The following DNAH6 variants were observed in gnomAD, a reference collection of about 807,000 sequenced individuals.
DNAH6 encodes the protein axonemal beta dynein heavy chain 6.
A neutral mutation model predicts 491.4 loss-of-function variants in DNAH6; 340 were observed. The observed-to-expected ratio is 0.69, with a 90% CI of 0.63 to 0.76. The LOEUF is 0.76. Ranked by LOEUF, DNAH6 falls within the 30% of genes least tolerant of loss-of-function variation. DNAH6 has a pLI of 0.00. For synonymous variants in DNAH6, 1,603 were observed against 1,686.1 expected (o/e 0.95, Z 1.21); for missense variants, 4,443 against 4,972.2 (o/e 0.89, Z 3.20).
intron 70 of DNAH6, among the ~76,000 whole-genome samples, chr2:84,803,937 T>A (rs1049471772): frequency 2.4e-4 from 36 of 152,236 alleles, no homozygotes; most frequent in African/African-American, 8.4e-4. Flanking sequence ...CTGGGCACAG[T>A]GGTTCACGCT....
At chr2:84,605,170 A>G (rs889872748) in intron 19 of DNAH6, among the ~76,000 whole-genome samples, 6 of 149,634 alleles carry the variant, frequency 4.0e-5, no homozygotes, top group Non-Finnish European at 8.9e-5. Context: ...GCATGGTGAA[A>G]CCCTATCTCT....
At chr2:84,604,281 T>G in intron 18 of DNAH6, 58 bp from the exon 19 acceptor site, 1 of 1,359,212 alleles carries the variant, frequency 7.4e-7, no homozygotes, top group Non-Finnish European at 1.0e-6. Flanking sequence ...AACCAGAACC[T>G]GTGGGTTATA....
intron 61 of DNAH6, among the ~76,000 whole-genome samples, chr2:84,729,118 CAT>C (rs1465312735): frequency 5.4e-4 from 83 of 152,308 alleles, no homozygotes; most frequent in Non-Finnish European, 1.0e-4. Flanking sequence ...TGCATACACA[CAT>C]ATTCTGTGAC....
chr2:84,584,101 A>C lies in DNAH6; in HGVS notation c.2332A>C (p.Thr778Pro). Residue 778 changes from threonine to proline, a missense_variant, in exon 15 of 77, where the codon ACT becomes CCT. Thr to Pro is a conservative substitution (Grantham distance 38, BLOSUM62 -1). Around this residue, in one of 3 missense-constraint regions of DNAH6, gnomAD observed 2,977 missense variants for 3,296.6 expected, o/e 0.90. Coordinates refer to ENST00000389394, the MANE Select transcript of DNAH6 (RefSeq NM_001370.2). The stretch of plus-strand genomic sequence containing the variant: ...TCCTGAAGACTTTGCTGTTTTTGCA[A>C]CTATGAAGCCATCCATTGTTGCTGT... ...TPPEDFAVFA[T>P]MKPSIVAVRN... 1 of 1,614,196 alleles carries C rather than the reference A, an allele frequency of 6.2e-7. No homozygotes were observed. The highest frequency in any genetic ancestry group is 1.6e-4 in the Middle Eastern group (1 of 6,062).
intron 71 of DNAH6, among the ~76,000 whole-genome samples, chr2:84,806,394 C>T (rs1238155092): frequency 6.6e-6 from 1 of 152,022 alleles, no homozygotes; most frequent in African/African-American, 2.4e-5. Context: ...CCAAGGCAGG[C>T]GGATCACAAG....
At chr2:84,613,142 A>ACAGT (rs1558797568) in intron 22 of DNAH6, among the ~76,000 whole-genome samples, 3 of 149,906 alleles carry the variant, frequency 2.0e-5, no homozygotes, top group African/African-American at 7.5e-5. Flanking sequence ...AGAGAGAGAG[A>ACAGT]GAGTGTGTGT....
chr2:84,509,064 TC>T, the DNAH6 span, among the ~76,000 whole-genome samples: 8 of 152,304 alleles, frequency 5.3e-5, no homozygotes, highest in East Asian at 7.7e-4. Context: ...GGTGGAGAGT[TC>T]TGTAGATGTC....
intron 68 of DNAH6, among the ~76,000 whole-genome samples, chr2:84,790,066 G>T (rs1438511963): frequency 6.6e-6 from 1 of 152,084 alleles, no homozygotes; most frequent in African/African-American, 2.4e-5. Flanking sequence ...AAAAGAATTG[G>T]CTTATAAATC....
Position 84,753,755 on chromosome 2 carries a change from T to TAAAA in DNAH6, c.10512+8527_10512+8530dup, listed in dbSNP as rs1162541312. Among the ~76,000 whole-genome samples, 273 of 77,120 alleles carry TAAAA rather than the reference T, an allele frequency of 3.5e-3. 4 individuals carry two copies. Among genetic ancestry groups the TAAAA allele is most frequent in the African/African-American group, 0.01 (184 of 17,574 alleles). The allele number at this position is 77,120 out of a possible 152,430, so 50.6% of individuals were successfully genotyped here. On this transcript the variant is annotated intron_variant, in intron 63 of 76. Coordinates refer to ENST00000389394, the MANE Select transcript of DNAH6 (RefSeq NM_001370.2). ...CTGGGCAACAGGAGTGAAACTCTGT[T>TAAAA]AAAAAAAAAAAAAAAAAAAAAAAAG... is the stretch of plus-strand genomic sequence containing the variant.
At chr2:84,534,669 T>C (rs959925549) in intron 4 of DNAH6, among the ~76,000 whole-genome samples, 1 of 152,128 alleles carries the variant, frequency 6.6e-6, no homozygotes, top group African/African-American at 2.4e-5. Context: ...AAGATGTTTC[T>C]GATTATTTTT....
At chr2:84,462,869 A>G in the DNAH6 span, among the ~76,000 whole-genome samples, 1 of 152,222 alleles carries the variant, frequency 6.6e-6, no homozygotes, top group Non-Finnish European at 1.5e-5. Context: ...TGGTGTATCA[A>G]GATGTGTTAA....
chr2:84,792,646 G>A (rs994323325), intron 68 of DNAH6, among the ~76,000 whole-genome samples: 1 of 152,130 alleles, frequency 6.6e-6, no homozygotes, highest in African/African-American at 2.4e-5. Context: ...TGTATGGAGG[G>A]CAGTTGTGTC....
chr2:84,673,268 G>T (rs1406654581), intron 40 of DNAH6, among the ~76,000 whole-genome samples: 1 of 84,880 alleles, frequency 1.2e-5, no homozygotes, highest in Non-Finnish European at 3.2e-5. Context: ...GGTGCCGTGG[G>T]CCCATGAGGA....
chr2:84,586,213 C>T (rs1248487963), intron 15 of DNAH6, among the ~76,000 whole-genome samples: 1 of 152,206 alleles, frequency 6.6e-6, no homozygotes, highest in Non-Finnish European at 1.5e-5. Flanking sequence ...TCTGCAGCAA[C>T]AGTTTGGGTG....
the DNAH6 span, among the ~76,000 whole-genome samples, chr2:84,510,660 G>C: frequency 1.3e-5 from 2 of 152,182 alleles, no homozygotes; most frequent in African/African-American, 4.8e-5. Context: ...CTGATTTTTA[G>C]AGTTTCCAGT....
chr2:84,571,145 TTGAA>T (rs1489901272), intron 11 of DNAH6, among the ~76,000 whole-genome samples: 7 of 152,116 alleles, frequency 4.6e-5, no homozygotes, highest in African/African-American at 1.2e-4. Flanking sequence ...AACAAACTAA[TTGAA>T]TGAGTGAGAA....
At chr2:84,692,712 TCCCTTCC>T (rs1157716841) in intron 45 of DNAH6, among the ~76,000 whole-genome samples, 1 of 152,196 alleles carries the variant, frequency 6.6e-6, no homozygotes, top group Non-Finnish European at 1.5e-5. Flanking sequence ...TATACTAATA[TCCCTTCC>T]CCCTTCCCAG....
intron 72 of DNAH6, among the ~76,000 whole-genome samples, chr2:84,809,314 G>A (rs1679735525): frequency 6.6e-6 from 1 of 152,186 alleles, no homozygotes; most frequent in Admixed American, 6.5e-5. Flanking sequence ...GGATAAGATT[G>A]GGGGAGAACT....
intron 72 of DNAH6, 64 bp from the exon 73 acceptor site, chr2:84,812,277 G>A (rs1208764012): frequency 2.7e-5 from 39 of 1,422,042 alleles, no homozygotes; most frequent in Non-Finnish European, 3.5e-5. Flanking sequence ...TGTCATTAAT[G>A]TGTGTCACTG....
Sources: allele counts gnomAD v4.1 joint callset (sites outside exome capture counted in the v4.1 genomes callset), GRCh38; gene constraint gnomAD v4.1.1; regional missense constraint gnomAD v4.1.1; transcripts MANE v1.5; gene names NCBI Gene and HGNC (gene_info 2026-07-23, HGNC 2026-07-21).